Variants in EYS observed in about 807,000 individuals in gnomAD.
EYS encodes protein eyes shut homolog.
EYS carries 250 observed loss-of-function variants against 282.1 expected under a neutral mutation model. The ratio of observed to expected loss-of-function variants is 0.89; its 90% CI spans 0.80 to 0.98. The LOEUF is 0.98. Ranked by LOEUF, EYS falls within the 50% of genes least tolerant of loss-of-function variation. The probability of loss-of-function intolerance (pLI) is 0.00; values close to 1 mark genes in which losing one functional copy is unlikely to be tolerated. For missense variants in EYS, 4,016 were observed against 3,709.0 expected, an observed-to-expected ratio of 1.08 and a Z score of -2.15; for synonymous variants, 1,355 against 1,282.9, an observed-to-expected ratio of 1.06 and a Z score of -1.20.
intron 2 of EYS, among the ~76,000 whole-genome samples, chr6:65,607,066 G>T (rs931778042): frequency 6.6e-6 from 1 of 151,734 alleles, no homozygotes; most frequent in Non-Finnish European, 1.5e-5. Flanking sequence ...CAGCAAATAT[G>T]CTTAATTTAG....
intron 2 of EYS, among the ~76,000 whole-genome samples, chr6:65,518,410 G>A (rs754205896): frequency 2.8e-4 from 42 of 152,120 alleles, no homozygotes; most frequent in Non-Finnish European, 5.6e-4. Context: ...CAACAAGTTG[G>A]CAAACACAAG....
At chr6:64,533,484 C>G (rs996730507) in intron 26 of EYS, among the ~76,000 whole-genome samples, 3 of 151,888 alleles carry the variant, frequency 2.0e-5, no homozygotes, top group Non-Finnish European at 2.9e-5. Context: ...ATCATGACAT[C>G]AATGATAAGA....
intron 1 of EYS, among the ~76,000 whole-genome samples, chr6:65,693,460 G>A (rs1769321114): frequency 7.3e-6 from 1 of 137,520 alleles, no homozygotes; most frequent in Admixed American, 7.8e-5. Context: ...AACTGTACCA[G>A]TGGTGGTTTA....
At chr6:64,756,396 T>G (rs1033799937) in intron 22 of EYS, among the ~76,000 whole-genome samples, 4 of 152,154 alleles carry the variant, frequency 2.6e-5, no homozygotes, top group Non-Finnish European at 5.9e-5. Context: ...TTTTTAAGCA[T>G]TAGATGCACA....
Position 65,442,636 on chromosome 6 carries a change from C to A in EYS, c.863-37269G>T, listed in dbSNP as rs558220226. ...GGGCTTAGTGGAGCATGCATATAGT[C>A]CCAGGTATCTGGGTGTCTGAGGCAG... On this transcript the variant is annotated intron_variant, in intron 5 of 42. Coordinates refer to ENST00000503581, the MANE Select transcript of EYS (RefSeq NM_001142800.2). Among the ~76,000 whole-genome samples, 112 of 151,768 alleles carry A rather than the reference C, an allele frequency of 7.4e-4. 2 individuals are homozygous for A. The highest frequency in any genetic ancestry group is 2.7e-3 in the African/African-American group (111 of 41,408).
chr6:64,472,796 G>T (rs562846212), intron 26 of EYS, among the ~76,000 whole-genome samples: 2 of 152,218 alleles, frequency 1.3e-5, no homozygotes, highest in African/African-American at 2.4e-5. Flanking sequence ...GAAGTTAGGG[G>T]TAGAAGCAGC....
chr6:65,341,043 A>G (rs1339523558), intron 10 of EYS, among the ~76,000 whole-genome samples: 1 of 151,016 alleles, frequency 6.6e-6, no homozygotes, highest in Admixed American at 6.6e-5. Flanking sequence ...TCGAATATAT[A>G]CAAATAGGAA....
chr6:64,745,769 A>G (rs1363121460), intron 22 of EYS, among the ~76,000 whole-genome samples: 1 of 152,180 alleles, frequency 6.6e-6, no homozygotes, highest in African/African-American at 2.4e-5. Flanking sequence ...CTCCATTGGC[A>G]AGCATTATAG....
intron 38 of EYS, 43 bp downstream of exon 38, chr6:63,789,015 A>C (rs1450464434): frequency 1.3e-6 from 2 of 1,534,222 alleles, no homozygotes. Flanking sequence ...ACAATATACT[A>C]GTGCTCTCAG....
chr6:63,766,482 T>C (rs2090569632), intron 40 of EYS, among the ~76,000 whole-genome samples: 1 of 151,964 alleles, frequency 6.6e-6, no homozygotes. Context: ...AGAAAGCAGA[T>C]GGAGGCAAAA....
In EYS at chr6:65,495,109, A is replaced by C. The variant is rs2127271521; in HGVS notation, c.302T>G (p.Ile101Arg). The C allele has an allele frequency of 6.2e-7, 1 of 1,614,140 alleles. No homozygotes were observed. Among genetic ancestry groups the C allele is most frequent in the Non-Finnish European group, 8.5e-7 (1 of 1,179,992 alleles). The change falls in exon 4 of 43, where the codon ATA (isoleucine) becomes AGA (arginine). Residue 101 changes from isoleucine (I) to arginine (R), a missense_variant. By Grantham distance (97) the Ile-to-Arg change is moderately conservative. Transcript: ENST00000503581. ...SSEPSLQFPE[I>R]NLMNVSETSF... ...TGTTTCAGAAACATTCATCAAATTT[A>C]TTTCTGGAAATTGAAGAGATGGTTC...
intron 1 of EYS, among the ~76,000 whole-genome samples, chr6:65,649,616 T>C (rs1430186144): frequency 6.6e-6 from 1 of 152,240 alleles, no homozygotes; most frequent in East Asian, 1.9e-4. Context: ...ACTCCATTTG[T>C]AATTTCTTTA....
intron 19 of EYS, among the ~76,000 whole-genome samples, chr6:64,882,606 T>C (rs980275036): frequency 1.2e-4 from 18 of 151,760 alleles, no homozygotes; most frequent in African/African-American, 4.1e-4. Flanking sequence ...TAAATGTTTA[T>C]ATCTATAGAC....
At chr6:64,481,475 AATTTCTCTG>A (rs1244768425) in intron 26 of EYS, among the ~76,000 whole-genome samples, 1 of 150,630 alleles carries the variant, frequency 6.6e-6, no homozygotes, top group Non-Finnish European at 1.5e-5. Context: ...GATCATTTTG[AATTTCTCTG>A]AAATTCAAAG....
chr6:64,325,564 G>A (rs1330114309), intron 29 of EYS, among the ~76,000 whole-genome samples: 4 of 152,040 alleles, frequency 2.6e-5, no homozygotes, highest in African/African-American at 9.7e-5. Flanking sequence ...AACCTAAGAA[G>A]AAATCTCTGA....
At position 64,303,879 on chromosome 6, in the gene EYS, C is replaced by T. The variant is rs547835362; in HGVS notation, c.6191+3091G>A. On this transcript the variant is annotated intron_variant, in intron 30 of 42. Transcript: ENST00000503581. ...AAAAAAAAGCCTCAGGGTAGGGTTA[C>T]GGCTGAAGTCAGCCTAATCCTCTTA... 4.7e-3 allele frequency among the ~76,000 whole-genome samples: 682 copies of T among 145,742 alleles called. 7 individuals carry two copies. Among genetic ancestry groups the T allele is most frequent in the Non-Finnish European group, 7.4e-3 (493 of 66,928 alleles).
At chr6:63,784,398 G>T (rs954023325) in intron 39 of EYS, among the ~76,000 whole-genome samples, 1 of 152,132 alleles carries the variant, frequency 6.6e-6, no homozygotes, top group African/African-American at 2.4e-5. Flanking sequence ...ATGGGTTTTG[G>T]AATGTCAGGG....
chr6:64,157,369 G>A (rs994318048), intron 31 of EYS, among the ~76,000 whole-genome samples: 1 of 152,172 alleles, frequency 6.6e-6, no homozygotes, highest in Non-Finnish European at 1.5e-5. Context: ...TGGCCTGACA[G>A]TGTGATAGAA....
chr6:64,303,151 G>A (rs1213272470), intron 30 of EYS, among the ~76,000 whole-genome samples: 2 of 152,156 alleles, frequency 1.3e-5, no homozygotes, highest in African/African-American at 4.8e-5. Flanking sequence ...CTGCCTGCAT[G>A]TGGTACCTGC....
Sources: gnomAD v4.1 joint callset for allele counts (sites outside exome capture counted in the v4.1 genomes callset) on GRCh38, gnomAD v4.1.1 for gene constraint, MANE v1.5 for transcripts, NCBI Gene and HGNC (gene_info 2026-07-23, HGNC 2026-07-21) for gene names.